The following MBNL2 variants were observed in gnomAD, a reference collection of about 807,000 sequenced individuals.
MBNL2 encodes the protein muscleblind like splicing regulator 2, also known as muscleblind-like protein 2.
In MBNL2, 17 loss-of-function variants were observed where a neutral mutation model predicts 41.9. The observed-to-expected ratio is 0.41, with a 90% CI of 0.28 to 0.61. The LOEUF (loss-of-function observed/expected upper bound fraction) is 0.61. Ranked by LOEUF, MBNL2 falls within the 20% of genes least tolerant of loss-of-function variation. The probability of loss-of-function intolerance (pLI) is 0.35; values close to 1 mark genes in which losing one functional copy is unlikely to be tolerated. For missense variants in MBNL2, 336 were observed against 505.6 expected, an observed-to-expected ratio of 0.66 and a Z score of 3.22; for synonymous variants, 195 against 182.9, an observed-to-expected ratio of 1.07 and a Z score of -0.53.
At chr13:97,323,344 A>T (rs1034718266) in intron 2 of MBNL2, among the ~76,000 whole-genome samples, 1 of 152,190 alleles carries the variant, frequency 6.6e-6, no homozygotes, top group Non-Finnish European at 1.5e-5. Flanking sequence ...AGAACCCAAC[A>T]TTTACTAAAC....
chr13:97,236,615 T>C (rs979316055), intron 1 of MBNL2, among the ~76,000 whole-genome samples: 1 of 152,166 alleles, frequency 6.6e-6, no homozygotes, highest in Non-Finnish European at 1.5e-5. Context: ...CCTATATTTT[T>C]ATTCTTTTCC....
chr13:97,258,795 C>T (rs991971953), intron 1 of MBNL2, among the ~76,000 whole-genome samples: 5 of 152,282 alleles, frequency 3.3e-5, no homozygotes, highest in South Asian at 2.1e-4. Flanking sequence ...AGATTATCTC[C>T]GGCATAGGAT....
chr13:97,208,038 G>A, the MBNL2 span, among the ~76,000 whole-genome samples: 1 of 152,222 alleles, frequency 6.6e-6, no homozygotes, highest in South Asian at 2.1e-4. Flanking sequence ...GTCTTGAACA[G>A]CTCTGCTCCT....
intron 2 of MBNL2, among the ~76,000 whole-genome samples, chr13:97,330,744 CA>C (rs1278579610): frequency 6.6e-6 from 1 of 152,162 alleles, no homozygotes; most frequent in Non-Finnish European, 1.5e-5. Context: ...TATGCCTTAA[CA>C]AAAACTTCCT....
chr13:97,194,236 T>A, the MBNL2 span, among the ~76,000 whole-genome samples: 5 of 152,244 alleles, frequency 3.3e-5, no homozygotes, highest in African/African-American at 4.8e-5. Context: ...CCCATTGCAT[T>A]CCTTTTAGAA....
At chr13:97,267,869 T>C (rs60842682) in intron 1 of MBNL2, among the ~76,000 whole-genome samples, 8,355 of 152,222 alleles carry the variant, frequency 0.055, 710 homozygotes, top group African/African-American at 0.18. Context: ...TAACTCCAGG[T>C]GGACATCTTT....
rs551887390 is a variant in MBNL2, at chr13:97,271,088, G to A, written c.-604-4544G>A. Among the ~76,000 whole-genome samples the A allele has an allele frequency of 5.3e-5, 8 of 151,356 alleles. No homozygotes were observed. In the South Asian group the frequency reaches 1.7e-3, roughly 32 times the overall value. On this transcript the variant is annotated intron_variant, in intron 1 of 8. Coordinates refer to ENST00000679496, the MANE Select transcript of MBNL2 (RefSeq NM_001382683.1). ...TACAAGTGACTCTGGCCATCAGAAA[G>A]CTTGGGTACACCTGCTCTTTTTTGT...
intron 8 of MBNL2, among the ~76,000 whole-genome samples, chr13:97,385,236 T>C (rs148265859): frequency 3.2e-3 from 480 of 152,308 alleles, no homozygotes; most frequent in Middle Eastern, 0.014. Context: ...AGTCCCCCTG[T>C]CCTTAAAGAG....
At chr13:97,327,771 C>T (rs2060031054) in intron 2 of MBNL2, among the ~76,000 whole-genome samples, 1 of 152,022 alleles carries the variant, frequency 6.6e-6, no homozygotes, top group South Asian at 2.1e-4. Context: ...AAAGTTGGCA[C>T]TGACAGAATG....
At chr13:97,344,525 T>C (rs951511444) in intron 4 of MBNL2, among the ~76,000 whole-genome samples, 3 of 152,224 alleles carry the variant, frequency 2.0e-5, no homozygotes, top group African/African-American at 7.2e-5. Context: ...GGCTGCCTAA[T>C]AACCTGTGCA....
At chr13:97,169,935 T>G in the MBNL2 span, among the ~76,000 whole-genome samples, 3 of 152,206 alleles carry the variant, frequency 2.0e-5, no homozygotes, top group Non-Finnish European at 4.4e-5. Context: ...TGGCTTCAAT[T>G]TAGTGCATTT....
upstream of MBNL2, chr13:97,222,278 C>T: frequency 2.5e-6 from 1 of 396,624 alleles, no homozygotes; most frequent in East Asian, 3.6e-5. Flanking sequence ...TTGGCTGGCC[C>T]CGGCTGGGAG....
chr13:97,142,610 C>A, the MBNL2 span, among the ~76,000 whole-genome samples: 27 of 152,234 alleles, frequency 1.8e-4, no homozygotes, highest in Admixed American at 3.3e-4. Context: ...ATGGCTGGCT[C>A]TGCATTGGTC....
intron 6 of MBNL2, 62 bp from the exon 7 acceptor site, chr13:97,357,418 CTG>C (rs1395014987): frequency 3.7e-5 from 51 of 1,360,986 alleles, no homozygotes; most frequent in Non-Finnish European, 4.9e-5. Flanking sequence ...TTGATGATCT[CTG>C]TGAACATGGA....
chr13:97,280,505 A>C (rs2053156342), intron 2 of MBNL2, among the ~76,000 whole-genome samples: 1 of 152,218 alleles, frequency 6.6e-6, no homozygotes, highest in South Asian at 2.1e-4. Flanking sequence ...TTTTGTAATA[A>C]AAATTCATTT....
At chr13:97,324,630 C>A (rs577630416) in intron 2 of MBNL2, among the ~76,000 whole-genome samples, 2 of 152,246 alleles carry the variant, frequency 1.3e-5, no homozygotes, top group African/African-American at 4.8e-5. Context: ...AATCGACTCA[C>A]ACGATCACAA....
chr13:97,168,387 C>G, the MBNL2 span, among the ~76,000 whole-genome samples: 1 of 152,064 alleles, frequency 6.6e-6, no homozygotes, highest in Non-Finnish European at 1.5e-5. Flanking sequence ...CCAAAACTGT[C>G]AATAAATGAA....
At chr13:97,340,798 A>T (rs1034290713) in intron 3 of MBNL2, among the ~76,000 whole-genome samples, 19 of 152,238 alleles carry the variant, frequency 1.2e-4, no homozygotes, top group African/African-American at 4.3e-4. Flanking sequence ...ATACTGGGAC[A>T]TTGATTTTAG....
At chr13:97,155,035 A>G in the MBNL2 span, among the ~76,000 whole-genome samples, 1 of 152,134 alleles carries the variant, frequency 6.6e-6, no homozygotes, top group African/African-American at 2.4e-5. Context: ...CGTCCCTTCA[A>G]CTGTGGTATG....
Sources: gnomAD v4.1 joint callset for allele counts (sites outside exome capture counted in the v4.1 genomes callset) on GRCh38, gnomAD v4.1.1 for gene constraint, MANE v1.5 for transcripts, NCBI Gene and HGNC (gene_info 2026-07-23, HGNC 2026-07-21) for gene names.